Variants in DAAM1 observed in about 807,000 individuals in gnomAD.
The protein encoded by DAAM1 is dishevelled associated activator of morphogenesis 1, also known as disheveled-associated activator of morphogenesis 1.
A neutral mutation model predicts 130.0 loss-of-function variants in DAAM1; 52 were observed. The observed-to-expected ratio is 0.40, with a 90% confidence interval of 0.32 to 0.50. The LOEUF (loss-of-function observed/expected upper bound fraction) is 0.50, where lower values mean the gene tolerates loss of function less well. Among genes scored for constraint, DAAM1 ranks in the 20% least tolerant of loss-of-function variants. The pLI is 0.61. For missense variants in DAAM1, 1,134 were observed against 1,303.8 expected (o/e 0.87, Z 2.01); for synonymous variants, 452 against 444.5 (o/e 1.02, Z -0.21).
In DAAM1 at chr14:59,371,045, T is replaced by C. The variant is rs1887147807; in HGVS notation, c.*2186T>C. On this transcript the variant is annotated 3_prime_UTR_variant, in exon 25 of 25. Coordinates refer to ENST00000360909, the MANE Select transcript of DAAM1 (RefSeq NM_001270520.2). ...CTCCTTTGCCATTTCCATTTTTGGTTTCTTTCCCTGAAAACTGTGTGCAGG... is the reference window on the plus strand; with the variant it reads ...CTCCTTTGCCATTTCCATTTTTGGTCTCTTTCCCTGAAAACTGTGTGCAGG... The C allele has an allele frequency of 6.6e-6, 1 of 152,042 alleles. No individual in the cohort carries two copies. The highest frequency in any genetic ancestry group is 2.1e-4 in the South Asian group (1 of 4,826). 9.4% of individuals were successfully genotyped at this position (152,042 alleles called of 1,614,324 possible).
At chr14:59,263,335 C>T in intron 1 of DAAM1, 106 bp from the exon 2 acceptor site, 2 of 940,712 alleles carry the variant, frequency 2.1e-6, no homozygotes, top group Non-Finnish European at 3.2e-6. Flanking sequence ...GCAGGGCGCA[C>T]ACAGTGTCGT....
intron 1 of DAAM1, among the ~76,000 whole-genome samples, chr14:59,222,545 G>T (rs985575610): frequency 6.6e-6 from 1 of 152,170 alleles, no homozygotes. Flanking sequence ...GCGAGTTGAA[G>T]TCTGTGTTGC....
At position 59,313,252 on chromosome 14, in the gene DAAM1, G is replaced by C. The variant is rs149116863; in HGVS notation, c.274-2028G>C. ...ATGCAGGGACCAGTATTGCACAGGG[G>C]AAACTGGAGATACATTGCCCAAATT... On this transcript the variant is annotated intron_variant, in intron 3 of 24. Coordinates refer to ENST00000360909, the MANE Select transcript of DAAM1 (RefSeq NM_001270520.2). Among the ~76,000 whole-genome samples the C allele has an allele frequency of 1.5e-3, 230 of 152,178 alleles. 1 individual carries two copies. The highest frequency in any genetic ancestry group is 5.1e-3 in the African/African-American group (210 of 41,466).
chr14:59,368,843 C>CAAAACTTAATTTCTAA lies in DAAM1; in HGVS notation c.3192_3207dup. ...GACAGCAGCAGAGAGAGACCAATCACAAAACTTAATTTCTAATTTTCCATG... is the reference window on the plus strand; with the variant it reads ...GACAGCAGCAGAGAGAGACCAATCACAAAACTTAATTTCTAAAAAACTTAATTTCTAATTTTCCATG... On this transcript the variant is annotated stop_gained and frameshift_variant, in exon 25 of 25. Coordinates refer to ENST00000360909, the MANE Select transcript of DAAM1 (RefSeq NM_001270520.2). LOFTEE classifies it high-confidence loss of function. 6.2e-7 allele frequency: 1 copy of CAAAACTTAATTTCTAA among 1,613,220 alleles called. No individual in the cohort carries two copies. Among genetic ancestry groups the CAAAACTTAATTTCTAA allele is most frequent in the Non-Finnish European group, 8.5e-7 (1 of 1,179,650 alleles).
chr14:59,204,131 A>G (rs1464464902), intron 1 of DAAM1, among the ~76,000 whole-genome samples: 3 of 152,244 alleles, frequency 2.0e-5, no homozygotes, highest in Non-Finnish European at 2.9e-5. Flanking sequence ...ACTGCATAAT[A>G]CATTACCACA....
intron 23 of DAAM1, among the ~76,000 whole-genome samples, chr14:59,365,643 G>A (rs751429311): frequency 1.4e-4 from 21 of 152,066 alleles, no homozygotes; most frequent in Non-Finnish European, 2.9e-4. Flanking sequence ...ATTTAAGGTA[G>A]ATGGTATTAC....
At chr14:59,200,107 A>G (rs1469941794) in intron 1 of DAAM1, among the ~76,000 whole-genome samples, 1 of 152,222 alleles carries the variant, frequency 6.6e-6, no homozygotes, top group Non-Finnish European at 1.5e-5. Context: ...CTTTAGGGTC[A>G]CTTCTCCATT....
intron 2 of DAAM1, among the ~76,000 whole-genome samples, chr14:59,275,542 T>C (rs1882929983): frequency 6.6e-6 from 1 of 152,184 alleles, no homozygotes; most frequent in South Asian, 2.1e-4. Context: ...CTAACATGTT[T>C]AGAAAAAAGC....
At chr14:59,357,545 G>A (rs192555274) in intron 20 of DAAM1, among the ~76,000 whole-genome samples, 7 of 152,266 alleles carry the variant, frequency 4.6e-5, no homozygotes, top group East Asian at 1.9e-4. Flanking sequence ...TTGGGAGGCC[G>A]AGGCCGGAAG....
intron 4 of DAAM1, among the ~76,000 whole-genome samples, chr14:59,315,721 A>T (rs552047327): frequency 2.2e-4 from 34 of 152,184 alleles, no homozygotes; most frequent in Non-Finnish European, 3.8e-4. Context: ...AAATAATATG[A>T]TTAAGCGATT....
chr14:59,191,845 G>A (rs779967281), intron 1 of DAAM1, among the ~76,000 whole-genome samples: 12 of 152,116 alleles, frequency 7.9e-5, no homozygotes, highest in Non-Finnish European at 7.3e-5. Flanking sequence ...AGAAGAGCTG[G>A]GAGACAATAG....
In DAAM1 at chr14:59,369,050, C is replaced by G. The variant is rs142569402; in HGVS notation, c.*191C>G. ...ATGTATATAGATGTCTGAGTGTTGT[C>G]TGGAGACCTATACGTATGGTTAAAA... is the stretch of plus-strand genomic sequence containing the variant. On this transcript the variant is annotated 3_prime_UTR_variant, in exon 25 of 25. Coordinates refer to ENST00000360909, the MANE Select transcript of DAAM1 (RefSeq NM_001270520.2). 7 of 572,636 alleles carry G rather than the reference C, an allele frequency of 1.2e-5. No homozygotes were observed. The East Asian group carries it at 2.1e-4, about 17-fold the overall frequency. 35.5% of individuals were successfully genotyped at this position (572,636 alleles called of 1,614,324 possible).
At chr14:59,253,305 C>G (rs531454923) in intron 1 of DAAM1, among the ~76,000 whole-genome samples, 2 of 152,284 alleles carry the variant, frequency 1.3e-5, no homozygotes, top group African/African-American at 4.8e-5. Context: ...GATATTGTGT[C>G]TATCAGTTTT....
intron 1 of DAAM1, among the ~76,000 whole-genome samples, chr14:59,191,907 C>A (rs1183279635): frequency 3.3e-5 from 5 of 152,156 alleles, no homozygotes; most frequent in African/African-American, 1.2e-4. Flanking sequence ...TTGTTTCAGG[C>A]TGGTTGATGT....
Position 59,233,323 on chromosome 14 carries a change from T to C in DAAM1, c.-37-30118T>C, listed in dbSNP as rs183236639. 8.2e-3 allele frequency among the ~76,000 whole-genome samples: 1,248 copies of C among 152,300 alleles called. 9 individuals carry two copies. The highest frequency in any genetic ancestry group is 0.011 in the Non-Finnish European group (732 of 68,020). ...CTATTGTTTCCTGATTTTTTAATAATCGCCATTCTAACTGGCAAGAGATGG... is the reference window on the plus strand; with the variant it reads ...CTATTGTTTCCTGATTTTTTAATAACCGCCATTCTAACTGGCAAGAGATGG... On this transcript the variant is annotated intron_variant, in intron 1 of 24. Coordinates refer to ENST00000360909, the MANE Select transcript of DAAM1 (RefSeq NM_001270520.2).
intron 1 of DAAM1, among the ~76,000 whole-genome samples, chr14:59,202,648 T>C (rs994167140): frequency 2.0e-5 from 3 of 152,238 alleles, no homozygotes; most frequent in African/African-American, 7.2e-5. Context: ...GATTATCCTC[T>C]GTCTTCAGCT....
At chr14:59,245,892 A>G (rs543440591) in intron 1 of DAAM1, among the ~76,000 whole-genome samples, 58 of 152,346 alleles carry the variant, frequency 3.8e-4, no homozygotes, top group Non-Finnish European at 6.5e-4. Context: ...AAAGCATTCT[A>G]TAAACCATTC....
Position 59,324,306 on chromosome 14 carries a change from G to A in DAAM1, c.886-45G>A, listed in dbSNP as rs538708109. 4.7e-6 allele frequency: 7 copies of A among 1,476,692 alleles called. No homozygotes were observed. In the East Asian group the frequency reaches 1.2e-4, roughly 25 times the overall value. The allele number at this position is 1,476,692 out of a possible 1,614,324, so 91.5% of individuals were successfully genotyped here. A position where few individuals can be genotyped will look rare whatever the true frequency, so the allele number is the denominator to read the frequency against. On this transcript the variant is annotated intron_variant, in intron 7 of 24. Coordinates refer to ENST00000360909, the MANE Select transcript of DAAM1 (RefSeq NM_001270520.2). ...ATTTATAAAAAGTGATTATTATGTA[G>A]TCTAAAAACCACAAATATGTATTTT...
At chr14:59,361,202 T>G in intron 22 of DAAM1, among the ~76,000 whole-genome samples, 1 of 152,186 alleles carries the variant, frequency 6.6e-6, no homozygotes, top group East Asian at 1.9e-4. Context: ...TGCTAATATA[T>G]GGTGTTCACT....
Sources: gnomAD v4.1 joint callset for allele counts (sites outside exome capture counted in the v4.1 genomes callset) on GRCh38, gnomAD v4.1.1 for gene constraint, MANE v1.5 for transcripts, NCBI Gene and HGNC (gene_info 2026-07-23, HGNC 2026-07-21) for gene names.